PIK3CD: variants seen among roughly 807,000 people sequenced by gnomAD.
The protein encoded by PIK3CD is phosphatidylinositol 4,5-bisphosphate 3-kinase catalytic subunit delta isoform.
PIK3CD carries 20 observed loss-of-function variants against 122.9 expected under a neutral mutation model. The observed-to-expected ratio is 0.16, with a 90% CI of 0.11 to 0.24. The LOEUF is 0.24. PIK3CD is among the 10% of genes least tolerant of loss of function. PIK3CD has a pLI of 1.00. For synonymous variants in PIK3CD, 596 were observed against 593.4 expected (o/e 1.00, Z -0.06); for missense variants, 787 against 1,406.3 (o/e 0.56, Z 7.04).
At position 9,669,750 on chromosome 1, in the gene PIK3CD, T is replaced by C. The variant is rs570473358; in HGVS notation, c.-138+17948T>C. On this transcript the variant is annotated intron_variant, in intron 1 of 23. Coordinates refer to ENST00000377346, the MANE Select transcript of PIK3CD (RefSeq NM_005026.5). ...TGCATTTTCCTCTTTACTGCTGACC[T>C]GCTGTTGAGGAGGAAGTTAAGAACA... Among the ~76,000 whole-genome samples, 9 of 152,272 alleles carry C rather than the reference T, an allele frequency of 5.9e-5. No individual in the cohort carries two copies. In the South Asian group the frequency reaches 1.9e-3, roughly 32 times the overall value.
intron 3 of PIK3CD, among the ~76,000 whole-genome samples, chr1:9,711,203 C>T (rs986280573): frequency 2.0e-5 from 3 of 151,556 alleles, no homozygotes; most frequent in East Asian, 1.9e-4. Flanking sequence ...AAGCAGTTCT[C>T]GTGCCTCAGC....
Position 9,704,950 on chromosome 1 carries a change from G to A in PIK3CD, c.-32-5474G>A, listed in dbSNP as rs963239345. Among the ~76,000 whole-genome samples, 1 of 152,210 alleles carries A rather than the reference G, an allele frequency of 6.6e-6. No individual in the cohort carries two copies. The highest frequency in any genetic ancestry group is 6.5e-5 in the Admixed American group (1 of 15,270). Reference sequence around the variant, plus strand: ...CAGTGCCTAGAGATGTGCAGCTCTCGCTCCTCAGGGCAGCTGGGGTCCAGC... The same window carrying A: ...CAGTGCCTAGAGATGTGCAGCTCTCACTCCTCAGGGCAGCTGGGGTCCAGC... On this transcript the variant is annotated intron_variant, in intron 2 of 23. Coordinates refer to ENST00000377346, the MANE Select transcript of PIK3CD (RefSeq NM_005026.5). The surrounding 1 kb of genome is among the most constrained non-coding windows in gnomAD (Gnocchi z 5.0).
the PIK3CD span, among the ~76,000 whole-genome samples, chr1:9,630,007 A>G: frequency 3.9e-5 from 6 of 152,208 alleles, no homozygotes; most frequent in African/African-American, 1.2e-4. Context: ...TTGGGAGAGG[A>G]GTGTGCTTTG....
At chr1:9,679,673 C>T (rs1023742366) in intron 1 of PIK3CD, among the ~76,000 whole-genome samples, 1 of 152,144 alleles carries the variant, frequency 6.6e-6, no homozygotes, top group Admixed American at 6.5e-5. Context: ...TGGTGCCATT[C>T]CTTGGGCACC....
rs149109035 is a variant in PIK3CD at position 9,700,585 on chromosome 1, C to T, written c.-33+9014C>T. On this transcript the variant is annotated intron_variant, in intron 2 of 23. Coordinates refer to ENST00000377346, the MANE Select transcript of PIK3CD (RefSeq NM_005026.5). The surrounding 1 kb of genome is among the most constrained non-coding windows in gnomAD (Gnocchi z 5.1). The stretch of plus-strand genomic sequence containing the variant: ...TTGGTCACCGTCCATCACTGGGTGA[C>T]GCGACCCCAGCTCCCCGCTCTGTGT... Among the ~76,000 whole-genome samples, 52 of 152,214 alleles carry T rather than the reference C, an allele frequency of 3.4e-4. 1 individual carries two copies. In the East Asian group the frequency reaches 7.9e-3, roughly 23 times the overall value.
At chr1:9,653,745 C>T (rs747323427) in intron 1 of PIK3CD, 1 of 1,276,506 alleles carries the variant, frequency 7.8e-7, no homozygotes, top group South Asian at 1.2e-5. Context: ...GCAGAAATGC[C>T]AACCCCTTAG....
At chr1:9,642,219 G>A in the PIK3CD span, among the ~76,000 whole-genome samples, 2 of 151,800 alleles carry the variant, frequency 1.3e-5, no homozygotes, top group African/African-American at 4.8e-5. Flanking sequence ...TTCAAGCAAT[G>A]CTGGTGCCTC....
the PIK3CD span, among the ~76,000 whole-genome samples, chr1:9,636,032 A>G: frequency 6.6e-6 from 1 of 152,228 alleles, no homozygotes; most frequent in East Asian, 1.9e-4. Context: ...TCTTACATTT[A>G]TGTATTTTTA....
the PIK3CD span, among the ~76,000 whole-genome samples, chr1:9,642,478 G>A: frequency 6.6e-6 from 1 of 150,620 alleles, no homozygotes; most frequent in Non-Finnish European, 1.5e-5. Flanking sequence ...AGCACTTTGG[G>A]AGGCCGAGGC....
At chr1:9,659,541 C>T (rs191098450) in intron 1 of PIK3CD, among the ~76,000 whole-genome samples, 1 of 152,242 alleles carries the variant, frequency 6.6e-6, no homozygotes, top group East Asian at 1.9e-4. Flanking sequence ...ACACTAACTC[C>T]CCTCTCCTCC....
chr1:9,654,492 G>GACCCCAGACCCAC, intron 1 of PIK3CD: 1 of 446,690 alleles, frequency 2.2e-6, no homozygotes, highest in Non-Finnish European at 2.8e-6. Context: ...GCGAAAGCCA[G>GACCCCAGACCCAC]CCCGCTTTCG....
At chr1:9,667,785 G>A (rs1645205273) in intron 1 of PIK3CD, among the ~76,000 whole-genome samples, 1 of 145,782 alleles carries the variant, frequency 6.9e-6, no homozygotes, top group Non-Finnish European at 1.5e-5. Flanking sequence ...CGCCCACACT[G>A]GAGTGCACTG....
rs150211229 is a variant in PIK3CD, at chr1:9,668,265, C to T, written c.-138+16463C>T. Among the ~76,000 whole-genome samples the T allele has an allele frequency of 2.8e-3, 421 of 152,080 alleles. 1 individual carries two copies. Among genetic ancestry groups the T allele is most frequent in the Non-Finnish European group, 4.9e-3 (332 of 67,996 alleles). ...TTCAAACCGTAGCTCTTCCACTTCCCAGCTGTGTGACTCTGAGGTGCCTAC... is the reference window on the plus strand; with the variant it reads ...TTCAAACCGTAGCTCTTCCACTTCCTAGCTGTGTGACTCTGAGGTGCCTAC... On this transcript the variant is annotated intron_variant, in intron 1 of 23. Coordinates refer to ENST00000377346, the MANE Select transcript of PIK3CD (RefSeq NM_005026.5).
chr1:9,627,481 T>A, the PIK3CD span, among the ~76,000 whole-genome samples: 1 of 152,206 alleles, frequency 6.6e-6, no homozygotes, highest in Non-Finnish European at 1.5e-5. Context: ...GCCTCGCCTC[T>A]CTCCACCTCA....
upstream of PIK3CD, among the ~76,000 whole-genome samples, chr1:9,647,995 C>A (rs183034737): frequency 5.3e-5 from 8 of 152,308 alleles, no homozygotes; most frequent in East Asian, 1.5e-3. Context: ...CTATTTGCTA[C>A]ATGTATATAC....
intron 2 of PIK3CD, among the ~76,000 whole-genome samples, chr1:9,706,664 G>A (rs773340680): frequency 5.9e-5 from 9 of 152,082 alleles, no homozygotes; most frequent in Non-Finnish European, 1.3e-4. Context: ...CAAAATAAAT[G>A]TCAAAATATC....
At position 9,722,077 on chromosome 1, in the gene PIK3CD, C is replaced by A. The variant is rs1336890715; in HGVS notation, c.2158C>A (p.Arg720=). The part of the protein sequence containing the change: ...QTKELMHLCM[R]QEAYLEALSH... Reference sequence around the variant, plus strand: ...CAAGGAGCTGATGCACTTGTGCATGCGGCAGGAGGCCTACCTAGAGGCCCT... The same window carrying A: ...CAAGGAGCTGATGCACTTGTGCATGAGGCAGGAGGCCTACCTAGAGGCCCT... The change falls in exon 17 of 24, where the codon CGG becomes AGG. Residue 720 remains arginine, a synonymous_variant. Coordinates refer to ENST00000377346, the MANE Select transcript of PIK3CD (RefSeq NM_005026.5). This position sits in a 1 kb window ranked among gnomAD's most constrained non-coding sequence, Gnocchi z 7.6. The A allele has an allele frequency of 6.2e-7, 1 of 1,613,408 alleles. No individual in the cohort carries two copies. Among genetic ancestry groups the A allele is most frequent in the African/African-American group, 1.3e-5 (1 of 74,920 alleles).
the PIK3CD span, among the ~76,000 whole-genome samples, chr1:9,632,413 C>T: frequency 6.6e-6 from 1 of 152,070 alleles, no homozygotes; most frequent in Non-Finnish European, 1.5e-5. Context: ...CAGCCTCAAA[C>T]TCCTGGGCTC....
rs1211872659 is a variant in PIK3CD, at chr1:9,721,770, G to A, written c.1965G>A (p.Met655Ile). ...TCCCTTCACCTTCCAGCTCCGAGAT[G>A]CACGTGCCGTCGGTGGCCCTGCGCT... The part of the protein sequence containing the change: ...HFLFWHLRSE[M>I]HVPSVALRFG... The change falls in exon 16 of 24, where the codon ATG becomes ATA. Residue 655 changes from methionine (M) to isoleucine (I), a missense_variant. By Grantham distance (10) the Met-to-Ile change is conservative. Coordinates refer to ENST00000377346, the MANE Select transcript of PIK3CD (RefSeq NM_005026.5). The A allele has an allele frequency of 8.7e-6, 14 of 1,613,120 alleles. No homozygotes were observed. Among genetic ancestry groups the A allele is most frequent in the African/African-American group, 2.7e-5 (2 of 74,932 alleles).
Sources: allele counts gnomAD v4.1 joint callset (sites outside exome capture counted in the v4.1 genomes callset), GRCh38; gene constraint gnomAD v4.1.1; non-coding constraint Gnocchi (gnomAD v3.1); transcripts MANE v1.5; gene names NCBI Gene and HGNC (gene_info 2026-07-23, HGNC 2026-07-21).